AXDND1: variants seen among roughly 807,000 people sequenced by gnomAD.
The protein encoded by AXDND1 is axonemal dynein light chain domain containing 1.
AXDND1 carries 110 observed loss-of-function variants against 137.5 expected under a neutral mutation model. The observed-to-expected ratio is 0.80, with a 90% CI of 0.69 to 0.94. AXDND1 has a LOEUF of 0.94. Among genes scored for constraint, AXDND1 ranks in the 40% least tolerant of loss-of-function variants. AXDND1 has a pLI of 0.00. For missense variants in AXDND1, 1,191 were observed against 1,169.8 expected (o/e 1.02, Z -0.26); for synonymous variants, 414 against 399.7 (o/e 1.04, Z -0.43).
chr1:179,466,282 CTTCTTTTT>C (rs1256065450), intron 16 of AXDND1, among the ~76,000 whole-genome samples: 12 of 95,656 alleles, frequency 1.3e-4, no homozygotes, highest in African/African-American at 5.3e-4. Context: ...TCTTCTTCTT[CTTCTTTTT>C]TTTTTTTTTT....
chr1:179,391,140 A>G (rs1308775797), intron 9 of AXDND1, among the ~76,000 whole-genome samples: 1 of 145,888 alleles, frequency 6.9e-6, no homozygotes, highest in Non-Finnish European at 1.5e-5. Flanking sequence ...TATATTGTTC[A>G]TCTCACATAT....
intron 15 of AXDND1, among the ~76,000 whole-genome samples, chr1:179,436,566 C>T (rs1250831580): frequency 6.6e-6 from 1 of 152,134 alleles, no homozygotes; most frequent in African/African-American, 2.4e-5. Context: ...TGGAAGCCAT[C>T]ATCCTCAACA....
intron 18 of AXDND1, among the ~76,000 whole-genome samples, chr1:179,489,882 C>T (rs955926575): frequency 6.6e-6 from 1 of 151,630 alleles, no homozygotes; most frequent in African/African-American, 2.4e-5. Flanking sequence ...GTAGCTGGGA[C>T]TATAGGCGCC....
At chr1:179,471,562 C>G (rs951385924) in intron 17 of AXDND1, among the ~76,000 whole-genome samples, 10 of 152,300 alleles carry the variant, frequency 6.6e-5, no homozygotes, top group Non-Finnish European at 1.3e-4. Flanking sequence ...TCCCTTCTCT[C>G]GTTTCCAATT....
At chr1:179,462,688 T>C (rs1332433006) in intron 16 of AXDND1, among the ~76,000 whole-genome samples, 1 of 152,064 alleles carries the variant, frequency 6.6e-6, no homozygotes, top group East Asian at 1.9e-4. Flanking sequence ...GTTGGTAAGC[T>C]ATTAATTATT....
chr1:179,492,482 TAGA>T (rs1667033462), intron 19 of AXDND1, among the ~76,000 whole-genome samples: 1 of 151,126 alleles, frequency 6.6e-6, no homozygotes, highest in African/African-American at 2.4e-5. Flanking sequence ...TCTGAAAAGC[TAGA>T]AGATTTCCAC....
intron 12 of AXDND1, among the ~76,000 whole-genome samples, chr1:179,419,952 G>A (rs1655418832): frequency 6.6e-6 from 1 of 151,954 alleles, no homozygotes. Flanking sequence ...TCTTTCTCTT[G>A]CCTAATTGCT....
rs537432033 is a variant in AXDND1, at chr1:179,477,605, C to T, written c.1998-5523C>T. Among the ~76,000 whole-genome samples, 5 of 150,710 alleles carry T rather than the reference C, an allele frequency of 3.3e-5. No homozygotes were observed. The South Asian group carries it at 1.0e-3, about 32-fold the overall frequency. On this transcript the variant is annotated intron_variant, in intron 17 of 25. Coordinates refer to ENST00000367618, the MANE Select transcript of AXDND1 (RefSeq NM_144696.6). ...ATTATCTCCCACTGGGTTCCTGCCA[C>T]AACATGAGGGAATTTTGGGAGCTAC...
intron 15 of AXDND1, 25 bp downstream of exon 15, chr1:179,432,367 G>T: frequency 6.5e-7 from 1 of 1,537,902 alleles, no homozygotes; most frequent in South Asian, 1.2e-5. Flanking sequence ...TAAAGAGCTT[G>T]GCAATCAAAG....
intron 20 of AXDND1, among the ~76,000 whole-genome samples, chr1:179,501,431 G>C (rs1047985870): frequency 6.6e-6 from 1 of 152,166 alleles, no homozygotes; most frequent in Non-Finnish European, 1.5e-5. Context: ...ATACTAGGGG[G>C]CTGGGTGCAG....
At chr1:179,400,601 A>T (rs574933689) in intron 11 of AXDND1, among the ~76,000 whole-genome samples, 4 of 18,498 alleles carry the variant, frequency 2.2e-4, no homozygotes, top group East Asian at 6.5e-4. Context: ...GGGAAGAAAT[A>T]AAAAAAAAAA....
At chr1:179,518,651 C>T (rs192943668) in intron 21 of AXDND1, among the ~76,000 whole-genome samples, 84 of 152,260 alleles carry the variant, frequency 5.5e-4, no homozygotes, top group African/African-American at 1.9e-3. Flanking sequence ...TTGGTTTTCT[C>T]TTCCTGTGTT....
chr1:179,399,338 T>C (rs563261573), intron 11 of AXDND1, among the ~76,000 whole-genome samples: 1 of 152,252 alleles, frequency 6.6e-6, no homozygotes, highest in African/African-American at 2.4e-5. Context: ...AAGGACACCC[T>C]TTTCAATAAA....
Position 179,394,002 on chromosome 1 carries a change from A to G in AXDND1, c.963A>G (p.Glu321=). The change falls in exon 10 of 26, where the codon GAA becomes GAG. Residue 321 remains glutamate (E), a synonymous_variant. Coordinates refer to ENST00000367618, the MANE Select transcript of AXDND1 (RefSeq NM_144696.6). ...GAGTGATGGACCAGCGCATTTTAGA[A>G]GAATTGTATAATTTCAAGCATGTTA... is the stretch of plus-strand genomic sequence containing the variant. The part of the protein sequence containing the change: ...TQRVMDQRIL[E]ELYNFKHVIE... 1 of 1,610,606 alleles carries G rather than the reference A, an allele frequency of 6.2e-7. No homozygotes were observed.
intron 16 of AXDND1, among the ~76,000 whole-genome samples, chr1:179,461,691 T>C (rs1662345141): frequency 6.6e-6 from 1 of 152,120 alleles, no homozygotes; most frequent in African/African-American, 2.4e-5. Context: ...GAACATGGAG[T>C]GTTCTGCCGT....
intron 23 of AXDND1, among the ~76,000 whole-genome samples, chr1:179,530,557 T>C (rs1670950747): frequency 6.6e-6 from 1 of 152,084 alleles, no homozygotes; most frequent in Admixed American, 6.5e-5. Context: ...TAGTGTGAGG[T>C]CCACTGCTCC....
intron 16 of AXDND1, among the ~76,000 whole-genome samples, chr1:179,460,247 G>A (rs1300182234): frequency 6.6e-6 from 1 of 152,028 alleles, no homozygotes; most frequent in East Asian, 1.9e-4. Flanking sequence ...CTGTGTCCAA[G>A]TGTCCTCATT....
intron 4 of AXDND1, among the ~76,000 whole-genome samples, chr1:179,372,547 ATTATG>A (rs1270280624): frequency 4.6e-5 from 7 of 152,102 alleles, no homozygotes; most frequent in African/African-American, 1.4e-4. Flanking sequence ...AAATCCAGTT[ATTATG>A]TTATGATTAA....
intron 4 of AXDND1, among the ~76,000 whole-genome samples, chr1:179,375,193 A>C (rs139841207): frequency 0.046 from 6,930 of 151,756 alleles, 233 homozygotes; most frequent in Non-Finnish European, 0.069. Context: ...CTGCCTCCCA[A>C]GTTCAAGCGA....
Sources: gnomAD v4.1 joint callset for allele counts (sites outside exome capture counted in the v4.1 genomes callset) on GRCh38, gnomAD v4.1.1 for gene constraint, MANE v1.5 for transcripts, NCBI Gene and HGNC (gene_info 2026-07-23, HGNC 2026-07-21) for gene names.